The following KCNQ1 variants were observed in gnomAD, a reference collection of about 807,000 sequenced individuals.
KCNQ1 encodes potassium voltage-gated channel subfamily Q member 1, also known as potassium voltage-gated channel subfamily KQT member 1.
In KCNQ1, 49 loss-of-function variants were observed where a neutral mutation model predicts 72.4. That is an observed-to-expected ratio of 0.68 (90% CI 0.54 to 0.86). KCNQ1 has a LOEUF of 0.86. Ranked by LOEUF, KCNQ1 falls within the 40% of genes least tolerant of loss-of-function variation. The pLI is 0.00. For missense variants in KCNQ1, 790 were observed against 945.1 expected, an observed-to-expected ratio of 0.84 and a Z score of 2.15; for synonymous variants, 450 against 412.6, an observed-to-expected ratio of 1.09 and a Z score of -1.10.
intron 11 of KCNQ1, among the ~76,000 whole-genome samples, chr11:2,753,864 C>A (rs1009716298): frequency 1.3e-5 from 2 of 152,210 alleles, no homozygotes; most frequent in Non-Finnish European, 2.9e-5. Flanking sequence ...ACACAAGGAA[C>A]TGAGACATCT....
At position 2,455,378 on chromosome 11, in the gene KCNQ1, T is replaced by G. The variant is rs1398443582; in HGVS notation, c.386+9894T>G. 8.5e-5 allele frequency among the ~76,000 whole-genome samples: 13 copies of G among 152,334 alleles called. No individual in the cohort carries two copies. In the East Asian group the frequency reaches 2.3e-3, roughly 27 times the overall value. ...CTCCCAAAGTGCTGGGATTCAGGCT[T>G]GAGCCACCGTGCCTGGCCAATCAGC... On this transcript the variant is annotated intron_variant, in intron 1 of 15. Transcript: ENST00000155840.
intron 1 of KCNQ1, among the ~76,000 whole-genome samples, chr11:2,512,692 G>C (rs1022386670): frequency 2.0e-5 from 3 of 152,198 alleles, no homozygotes; most frequent in Non-Finnish European, 4.4e-5. Flanking sequence ...GGTGTCTGGG[G>C]CCACACTCTC....
At chr11:2,740,025 C>T (rs1846024960) in intron 11 of KCNQ1, among the ~76,000 whole-genome samples, 1 of 152,242 alleles carries the variant, frequency 6.6e-6, no homozygotes, top group South Asian at 2.1e-4. Flanking sequence ...AGCTGGCCGG[C>T]CTGGTCCCCG....
chr11:2,652,857 T>C lies in KCNQ1; in HGVS notation c.1394-9104T>C, dbSNP rs948865053. On this transcript the variant is annotated intron_variant, in intron 10 of 15. Transcript: ENST00000155840. This position sits in a 1 kb window ranked among gnomAD's most constrained non-coding sequence, Gnocchi z 5.9. ...GATTTGTGTATGCTGAGGCTTGCTA[T>C]ACTTATTCTAAGGAGAAGTGTTTGG... 4.3e-5 allele frequency: 17 copies of C among 398,632 alleles called. No homozygotes were observed. The Admixed American group carries it at 4.8e-4, about 11-fold the overall frequency. The allele number at this position is 398,632 out of a possible 1,614,324, so 24.7% of individuals were successfully genotyped here. A position where few individuals can be genotyped will look rare whatever the true frequency, so the allele number is the denominator to read the frequency against.
intron 6 of KCNQ1, among the ~76,000 whole-genome samples, chr11:2,577,774 G>A (rs548520984): frequency 1.8e-4 from 27 of 152,270 alleles, no homozygotes; most frequent in African/African-American, 5.5e-4. Context: ...CCCCACGGGG[G>A]CTGGGCGTCC....
At chr11:2,702,198 C>T (rs1850827096) in intron 11 of KCNQ1, among the ~76,000 whole-genome samples, 1 of 152,184 alleles carries the variant, frequency 6.6e-6, no homozygotes, top group Admixed American at 6.5e-5. Context: ...CAGATTTCAC[C>T]AGAATAAAAG....
intron 11 of KCNQ1, chr11:2,686,455 T>C (rs939731207): frequency 7.0e-5 from 28 of 398,554 alleles, no homozygotes; most frequent in African/African-American, 5.1e-4. Flanking sequence ...GTTTCCACAA[T>C]TGTTTTGAAA....
Position 2,769,035 on chromosome 11 carries a change from C to T in KCNQ1, c.1590+116C>T, listed in dbSNP as rs1195692780. 2 of 868,998 alleles carry T rather than the reference C, an allele frequency of 2.3e-6. No individual in the cohort carries two copies. 53.8% of individuals were successfully genotyped at this position (868,998 alleles called of 1,614,324 possible). A position where few individuals can be genotyped will look rare whatever the true frequency, so the allele number is the denominator to read the frequency against. On this transcript the variant is annotated intron_variant, in intron 12 of 15. Transcript: ENST00000155840. This position sits in a 1 kb window ranked among gnomAD's most constrained non-coding sequence, Gnocchi z 4.6. Reference sequence around the variant, plus strand: ...TAGTGGAGGGTGTCAAGGCCTCCGCCCCCAAGCCACACAGGCAGGCCTATC... The same window carrying T: ...TAGTGGAGGGTGTCAAGGCCTCCGCTCCCAAGCCACACAGGCAGGCCTATC...
In KCNQ1 at chr11:2,698,450, A is replaced by C. The variant is rs1850714911; in HGVS notation, c.1514+36369A>C. 1 of 398,450 alleles carries C rather than the reference A, an allele frequency of 2.5e-6. No homozygotes were observed. Among genetic ancestry groups the C allele is most frequent in the African/African-American group, 2.1e-5 (1 of 48,662 alleles). The allele number at this position is 398,450 out of a possible 1,614,324, so 24.7% of individuals were successfully genotyped here. A position where few individuals can be genotyped will look rare whatever the true frequency, so the allele number is the denominator to read the frequency against. ...GCCTACTACCCAGACTGAGACCTGC[A>C]TCTGATCAACTCTCATCTCCAATAT... On this transcript the variant is annotated intron_variant, in intron 11 of 15. Transcript: ENST00000155840. The surrounding 1 kb of genome is among the most constrained non-coding windows in gnomAD (Gnocchi z 5.1).
intron 15 of KCNQ1, among the ~76,000 whole-genome samples, chr11:2,791,763 C>T (rs1367751004): frequency 3.4e-5 from 5 of 146,378 alleles, no homozygotes; most frequent in African/African-American, 7.6e-5. Context: ...GTGGCGCTGG[C>T]GGCAGGTGGA....
chr11:2,513,764 G>A (rs1239085584), intron 1 of KCNQ1, among the ~76,000 whole-genome samples: 1 of 152,346 alleles, frequency 6.6e-6, no homozygotes, highest in Admixed American at 6.5e-5. Context: ...ATCTGCACAG[G>A]TTGCCATTCT....
chr11:2,810,908 G>A (rs1336565563), intron 15 of KCNQ1, among the ~76,000 whole-genome samples: 1 of 152,224 alleles, frequency 6.6e-6, no homozygotes, highest in East Asian at 1.9e-4. Flanking sequence ...CTCTGCTGTG[G>A]CAGAGGGACA....
chr11:2,589,347 G>C (rs999023506), intron 10 of KCNQ1, among the ~76,000 whole-genome samples: 1 of 152,216 alleles, frequency 6.6e-6, no homozygotes, highest in African/African-American at 2.4e-5. Flanking sequence ...CCCCGAGTCT[G>C]TGCGTGATGG....
chr11:2,572,215 C>A, intron 5 of KCNQ1, 106 bp downstream of exon 5: 1 of 819,010 alleles, frequency 1.2e-6, no homozygotes, highest in Admixed American at 2.2e-5. Context: ...CCCCGGGGGC[C>A]GGTGGGTGCC....
At chr11:2,585,628 A>C (rs1175601404) in intron 8 of KCNQ1, among the ~76,000 whole-genome samples, 1 of 152,208 alleles carries the variant, frequency 6.6e-6, no homozygotes, top group Non-Finnish European at 1.5e-5. Flanking sequence ...CCCACTGCAC[A>C]ACAACCTGAG....
At position 2,688,512 on chromosome 11, in the gene KCNQ1, A is replaced by G. The variant is rs749967365; in HGVS notation, c.1514+26431A>G. 155 of 398,560 alleles carry G rather than the reference A, an allele frequency of 3.9e-4. No individual in the cohort carries two copies. The highest frequency in any genetic ancestry group is 5.9e-4 in the Non-Finnish European group (134 of 226,132). The allele number at this position is 398,560 out of a possible 1,614,324, so 24.7% of individuals were successfully genotyped here. ...GTTGCCCTGCTCTGGGTGATGAGGT[A>G]GAGGTCACACAGCCAGGCCAGTGGC... On this transcript the variant is annotated intron_variant, in intron 11 of 15. Transcript: ENST00000155840.
intron 10 of KCNQ1, chr11:2,625,918 G>A (rs1849254439): frequency 7.5e-6 from 3 of 398,418 alleles, no homozygotes; most frequent in African/African-American, 4.1e-5. Flanking sequence ...ACTTTTAGAA[G>A]TTCTCTGTAT....
At chr11:2,719,085 G>T (rs1373243844) in intron 11 of KCNQ1, among the ~76,000 whole-genome samples, 1 of 152,232 alleles carries the variant, frequency 6.6e-6, no homozygotes, top group Admixed American at 6.5e-5. Flanking sequence ...CCTGTGGCAA[G>T]TGGAGCCCCA....
rs762489687 is a variant in KCNQ1 at position 2,838,987 on chromosome 11, C to T, written c.1795-8780C>T. ...GGCCCCCAAACAGAGGCCGATGGGA[C>T]GAGCCCTGCCCGGGGTTGCACTAGG... On this transcript the variant is annotated intron_variant, in intron 15 of 15. Coordinates refer to ENST00000155840, the MANE Select transcript of KCNQ1 (RefSeq NM_000218.3). 1.1e-3 allele frequency among the ~76,000 whole-genome samples: 164 copies of T among 151,282 alleles called. 1 individual carries two copies. Among genetic ancestry groups the T allele is most frequent in the Non-Finnish European group, 1.8e-3 (123 of 67,800 alleles).
Sources: gnomAD v4.1 joint callset for allele counts (sites outside exome capture counted in the v4.1 genomes callset) on GRCh38, gnomAD v4.1.1 for gene constraint, Gnocchi (gnomAD v3.1) non-coding constraint, MANE v1.5 for transcripts, NCBI Gene and HGNC (gene_info 2026-07-23, HGNC 2026-07-21) for gene names.